The following PAG1 variants were observed in gnomAD, a reference collection of about 807,000 sequenced individuals.
PAG1 encodes phosphoprotein membrane anchor with glycosphingolipid microdomains 1.
PAG1 carries 23 observed loss-of-function variants against 31.7 expected under a neutral mutation model. The observed-to-expected ratio is 0.73, with a 90% CI of 0.52 to 1.03. PAG1 has a LOEUF of 1.03. PAG1 is among the 50% of genes least tolerant of loss of function. The pLI is 0.00. For missense variants in PAG1, 473 were observed against 540.7 expected, an observed-to-expected ratio of 0.87 and a Z score of 1.24; for synonymous variants, 214 against 210.3, an observed-to-expected ratio of 1.02 and a Z score of -0.15.
At position 80,972,815 on chromosome 8, in the gene PAG1, A is replaced by G. The variant is rs1030767848; in HGVS notation, c.*3729T>C. 11 of 152,116 alleles carry G rather than the reference A, an allele frequency of 7.2e-5. No individual in the cohort carries two copies. Among genetic ancestry groups the G allele is most frequent in the African/African-American group, 2.7e-4 (11 of 41,424 alleles). 9.4% of individuals were successfully genotyped at this position (152,116 alleles called of 1,614,324 possible). ...ACTGATTGAAAAACTGTTCCTTCTA[A>G]TTCTGCTTTTCCAACAAAAGTTCAT... On this transcript the variant is annotated 3_prime_UTR_variant, in exon 9 of 9. Coordinates refer to ENST00000220597, the MANE Select transcript of PAG1 (RefSeq NM_018440.4).
chr8:81,076,259 A>C (rs532765449), intron 1 of PAG1, among the ~76,000 whole-genome samples: 15 of 152,232 alleles, frequency 9.9e-5, no homozygotes, highest in Non-Finnish European at 1.8e-4. Flanking sequence ...TCCCATGTGA[A>C]TTATCACAAG....
rs1280004127 is a variant in PAG1, at chr8:80,972,181, CAA to C, written c.*4361_*4362del. ...TTTAACTTTTCCCCATTACACAGTACAATAAGCCTGTCAAGATTTCCAGGAAG... is the reference window on the plus strand; with the variant it reads ...TTTAACTTTTCCCCATTACACAGTACTAAGCCTGTCAAGATTTCCAGGAAG... On this transcript the variant is annotated 3_prime_UTR_variant, in exon 9 of 9. Coordinates refer to ENST00000220597, the MANE Select transcript of PAG1 (RefSeq NM_018440.4). The C allele has an allele frequency of 6.6e-6, 1 of 152,158 alleles. No individual in the cohort carries two copies. Among genetic ancestry groups the C allele is most frequent in the Non-Finnish European group, 1.5e-5 (1 of 68,038 alleles). 9.4% of individuals were successfully genotyped at this position (152,158 alleles called of 1,614,324 possible).
At chr8:81,103,435 C>T (rs557989236) in intron 1 of PAG1, among the ~76,000 whole-genome samples, 4 of 152,298 alleles carry the variant, frequency 2.6e-5, no homozygotes, top group African/African-American at 9.6e-5. Flanking sequence ...GTTATCTCCA[C>T]CCACCCATCT....
intron 1 of PAG1, among the ~76,000 whole-genome samples, chr8:81,109,643 A>G (rs975930999): frequency 6.6e-6 from 1 of 152,248 alleles, no homozygotes; most frequent in Admixed American, 6.5e-5. Flanking sequence ...ATAGAGTCCA[A>G]AGATGCATTT....
chr8:80,989,536 C>G (rs879127098), intron 5 of PAG1, among the ~76,000 whole-genome samples: 1 of 152,116 alleles, frequency 6.6e-6, no homozygotes, highest in African/African-American at 2.4e-5. Context: ...TGTGTGTGCT[C>G]GCGCTCTCTC....
intron 1 of PAG1, among the ~76,000 whole-genome samples, chr8:81,108,582 T>C (rs897021459): frequency 5.3e-5 from 8 of 152,172 alleles, no homozygotes; most frequent in Admixed American, 2.0e-4. Context: ...ATGTGCCCTA[T>C]ACGGCAATTA....
intron 1 of PAG1, among the ~76,000 whole-genome samples, chr8:81,079,166 AT>A (rs1377446641): frequency 1.3e-5 from 2 of 151,856 alleles, no homozygotes; most frequent in African/African-American, 2.4e-5. Context: ...CCACTCCTTG[AT>A]TTCCCCCCCT....
intron 2 of PAG1, among the ~76,000 whole-genome samples, chr8:81,057,060 T>C (rs1808835987): frequency 6.6e-6 from 1 of 152,074 alleles, no homozygotes; most frequent in Non-Finnish European, 1.5e-5. Flanking sequence ...CATTAAAAAG[T>C]CAGGAAACAA....
intron 2 of PAG1, among the ~76,000 whole-genome samples, chr8:81,067,959 C>T (rs1182057835): frequency 2.0e-5 from 3 of 152,114 alleles, no homozygotes; most frequent in Non-Finnish European, 4.4e-5. Flanking sequence ...TTTTGGGGGG[C>T]AATCCTAGCT....
rs371809486 is a variant in PAG1, at chr8:80,991,519, G to A, written c.137C>T (p.Pro46Leu). Reference sequence around the variant, plus strand: ...CTCATGGTCCCCACTATGCTGTCGCGGCTTCTTTTCCCTGAAATGAAAAGT... The same window carrying A: ...CTCATGGTCCCCACTATGCTGTCGCAGCTTCTTTTCCCTGAAATGAAAAGT... Reference protein sequence around the residue: ...LCSSCDREKKPRQHSGDHENL... With the variant: ...LCSSCDREKKLRQHSGDHENL... Residue 46 changes from proline to leucine, a missense_variant, in exon 5 of 9, where the codon CCG becomes CTG. Pro to Leu is a moderately conservative substitution (Grantham distance 98). Coordinates refer to ENST00000220597, the MANE Select transcript of PAG1 (RefSeq NM_018440.4). 5.3e-5 allele frequency: 85 copies of A among 1,613,158 alleles called. No homozygotes were observed. Among genetic ancestry groups the A allele is most frequent in the Non-Finnish European group, 7.0e-5 (83 of 1,179,260 alleles).
At chr8:81,064,890 G>A (rs1168584115) in intron 2 of PAG1, among the ~76,000 whole-genome samples, 3 of 152,228 alleles carry the variant, frequency 2.0e-5, no homozygotes, top group African/African-American at 7.2e-5. Context: ...CAGTGAACAG[G>A]TACTGTAGTG....
chr8:80,976,986 A>G, intron 8 of PAG1, 80 bp from the exon 9 acceptor site: 2 of 1,348,986 alleles, frequency 1.5e-6, no homozygotes, highest in Non-Finnish European at 2.0e-6. Context: ...CTACATACTG[A>G]GCACTCCTGG....
intron 2 of PAG1, among the ~76,000 whole-genome samples, chr8:81,066,460 T>C (rs1809008448): frequency 6.6e-6 from 1 of 152,136 alleles, no homozygotes. Context: ...ATCTTAGCTT[T>C]ATGAATAAAT....
rs147330854 is a variant in PAG1 at position 81,105,325 on chromosome 8, T to C, written c.-234+6266A>G. 2.8e-3 allele frequency among the ~76,000 whole-genome samples: 433 copies of C among 152,272 alleles called. 2 individuals are homozygous for C. The highest frequency in any genetic ancestry group is 9.8e-3 in the African/African-American group (408 of 41,540). ...ATGTGCCTGGTATCATATTAATATA[T>C]ATCTGGTGAATGTATAAATGAATAA... On this transcript the variant is annotated intron_variant, in intron 1 of 8. Transcript: ENST00000220597.
At chr8:80,994,058 C>A (rs1456371286) in intron 3 of PAG1, among the ~76,000 whole-genome samples, 1 of 152,098 alleles carries the variant, frequency 6.6e-6, no homozygotes, top group Non-Finnish European at 1.5e-5. Context: ...CCCTGCCCCC[C>A]ACTGCCATCT....
chr8:80,976,315 G>C lies in PAG1; in HGVS notation c.*229C>G. On this transcript the variant is annotated 3_prime_UTR_variant, in exon 9 of 9. Coordinates refer to ENST00000220597, the MANE Select transcript of PAG1 (RefSeq NM_018440.4). The stretch of plus-strand genomic sequence containing the variant: ...GAGGGTGCAGCAGGGAGATGTGCTT[G>C]GGTGTACCTGTCCATCTGGCAGGCA... The C allele has an allele frequency of 2.0e-6, 1 of 506,038 alleles. No individual in the cohort carries two copies. The highest frequency in any genetic ancestry group is 3.5e-6 in the Non-Finnish European group (1 of 284,218). The allele number at this position is 506,038 out of a possible 1,614,324, so 31.3% of individuals were successfully genotyped here. A position where few individuals can be genotyped will look rare whatever the true frequency, so the allele number is the denominator to read the frequency against.
intron 3 of PAG1, among the ~76,000 whole-genome samples, chr8:81,004,186 T>C (rs1807835445): frequency 6.6e-6 from 1 of 152,192 alleles, no homozygotes; most frequent in East Asian, 1.9e-4. Context: ...ACACTTCTCC[T>C]GAAAGCTTCC....
chr8:80,997,241 T>G (rs1807693832), intron 3 of PAG1, among the ~76,000 whole-genome samples: 1 of 152,234 alleles, frequency 6.6e-6, no homozygotes. Flanking sequence ...CTTGACTCAA[T>G]AAACTTGCAT....
chr8:81,092,217 A>G (rs950590335), intron 1 of PAG1, among the ~76,000 whole-genome samples: 1 of 149,802 alleles, frequency 6.7e-6, no homozygotes, highest in African/African-American at 2.4e-5. Context: ...AAAAAAGGAA[A>G]AGAAAAAAAA....
Sources: allele counts gnomAD v4.1 joint callset (sites outside exome capture counted in the v4.1 genomes callset), GRCh38; gene constraint gnomAD v4.1.1; transcripts MANE v1.5; gene names NCBI Gene and HGNC (gene_info 2026-07-23, HGNC 2026-07-21).